CADPS2: variants seen among roughly 807,000 people sequenced by gnomAD.
The protein encoded by CADPS2 is calcium dependent secretion activator 2.
A neutral mutation model predicts 172.5 loss-of-function variants in CADPS2; 93 were observed. The ratio of observed to expected loss-of-function variants is 0.54; its 90% CI spans 0.46 to 0.64. CADPS2 has a LOEUF of 0.64. Ranked by LOEUF, CADPS2 falls within the 30% of genes least tolerant of loss-of-function variation. CADPS2 has a pLI of 0.00. For synonymous variants in CADPS2, 546 were observed against 555.2 expected, an observed-to-expected ratio of 0.98 and a Z score of 0.23; for missense variants, 1,420 against 1,565.9, an observed-to-expected ratio of 0.91 and a Z score of 1.57.
At chr7:122,492,811 C>T (rs528691219) in intron 9 of CADPS2, among the ~76,000 whole-genome samples, 29 of 152,044 alleles carry the variant, frequency 1.9e-4, no homozygotes, top group Non-Finnish European at 4.0e-4. Flanking sequence ...GTGATCCTCC[C>T]ACTCAGCCTC....
At chr7:122,823,152 C>T (rs1803880624) in intron 1 of CADPS2, among the ~76,000 whole-genome samples, 1 of 152,098 alleles carries the variant, frequency 6.6e-6, no homozygotes, top group Admixed American at 6.5e-5. Flanking sequence ...CATTTTAAAT[C>T]TGATTATCTG....
chr7:122,729,785 T>C (rs893602827), intron 2 of CADPS2, among the ~76,000 whole-genome samples: 1 of 149,124 alleles, frequency 6.7e-6, no homozygotes, highest in Non-Finnish European at 1.5e-5. Context: ...TCCAAAGCAA[T>C]GGCATGAGTT....
chr7:122,420,037 T>C (rs2048361908), intron 17 of CADPS2, among the ~76,000 whole-genome samples: 1 of 152,108 alleles, frequency 6.6e-6, no homozygotes. Flanking sequence ...TTCCAGAGTC[T>C]TGGAGAGGTT....
chr7:122,885,759 G>A (rs536955609), intron 1 of CADPS2, among the ~76,000 whole-genome samples: 1 of 152,268 alleles, frequency 6.6e-6, no homozygotes, highest in East Asian at 1.9e-4. Flanking sequence ...TCTGTCTCAC[G>A]GATGGTGAGC....
At chr7:122,528,379 G>A (rs1017981912) in intron 8 of CADPS2, among the ~76,000 whole-genome samples, 1 of 152,112 alleles carries the variant, frequency 6.6e-6, no homozygotes, top group Admixed American at 6.6e-5. Context: ...TAAAAGCAAT[G>A]TTTCTAAAGA....
At chr7:122,615,414 T>C in intron 5 of CADPS2, 115 bp from the exon 6 acceptor site, 1 of 577,184 alleles carries the variant, frequency 1.7e-6, no homozygotes, top group Non-Finnish European at 2.8e-6. Flanking sequence ...AAAAATTTGT[T>C]TTTTGTTAAC....
chr7:122,712,038 ACT>A (rs1019922586), intron 2 of CADPS2, among the ~76,000 whole-genome samples: 32 of 152,130 alleles, frequency 2.1e-4, no homozygotes, highest in African/African-American at 4.1e-4. Context: ...AAAAAAAAAC[ACT>A]CTTGTATCTT....
chr7:122,612,028 G>A (rs562208021), intron 6 of CADPS2, among the ~76,000 whole-genome samples: 83 of 151,986 alleles, frequency 5.5e-4, no homozygotes, highest in African/African-American at 1.8e-3. Context: ...TATAAAAACA[G>A]TCAATAAACT....
chr7:122,565,408 A>T (rs1316353772), intron 7 of CADPS2, among the ~76,000 whole-genome samples: 3 of 152,176 alleles, frequency 2.0e-5, no homozygotes, highest in East Asian at 1.9e-4. Flanking sequence ...ACAGGAAGAT[A>T]GTGGGGAATA....
chr7:122,667,774 T>C (rs749931265), intron 2 of CADPS2, among the ~76,000 whole-genome samples: 6 of 151,384 alleles, frequency 4.0e-5, no homozygotes, highest in Non-Finnish European at 8.8e-5. Context: ...ATGAGCTGTG[T>C]GAGAAGGAAA....
chr7:122,343,601 G>C (rs1346602550), intron 28 of CADPS2, among the ~76,000 whole-genome samples: 2 of 152,190 alleles, frequency 1.3e-5, no homozygotes, highest in Non-Finnish European at 2.9e-5. Context: ...AGGTCACCGA[G>C]TCAAAAAACT....
chr7:122,675,740 A>C (rs890672346), intron 2 of CADPS2, among the ~76,000 whole-genome samples: 21 of 152,082 alleles, frequency 1.4e-4, no homozygotes, highest in African/African-American at 5.1e-4. Context: ...AACACCATAC[A>C]TTCTCACTCA....
At chr7:122,493,720 C>CT (rs10544810) in intron 9 of CADPS2, among the ~76,000 whole-genome samples, 2,294 of 131,526 alleles carry the variant, frequency 0.017, 54 homozygotes, top group African/African-American at 0.043. Flanking sequence ...TATGTTTAAT[C>CT]TTTTTTTTTT....
At chr7:122,812,456 G>T (rs1800253394) in intron 1 of CADPS2, among the ~76,000 whole-genome samples, 1 of 150,206 alleles carries the variant, frequency 6.7e-6, no homozygotes. Context: ...AAGAAAGAAA[G>T]AAAAAAAGAA....
At chr7:122,735,827 T>C (rs1270696284) in intron 2 of CADPS2, among the ~76,000 whole-genome samples, 2 of 152,178 alleles carry the variant, frequency 1.3e-5, no homozygotes, top group African/African-American at 4.8e-5. Context: ...TTCTTTAGTT[T>C]AAGTACATGA....
At chr7:122,616,470 T>A (rs554628499) in intron 5 of CADPS2, among the ~76,000 whole-genome samples, 5 of 152,250 alleles carry the variant, frequency 3.3e-5, no homozygotes, top group African/African-American at 9.6e-5. Context: ...TAAATATGAA[T>A]GTGTATTTGT....
chr7:122,418,430 TTAAG>T (rs1191374769), intron 17 of CADPS2, among the ~76,000 whole-genome samples: 2 of 152,104 alleles, frequency 1.3e-5, no homozygotes, highest in African/African-American at 4.8e-5. Flanking sequence ...ATGGGAGACT[TTAAG>T]TAAGATAATA....
intron 27 of CADPS2, among the ~76,000 whole-genome samples, chr7:122,347,909 C>T (rs1409107547): frequency 6.6e-6 from 1 of 152,190 alleles, no homozygotes; most frequent in African/African-American, 2.4e-5. Context: ...ATTCAAAAAA[C>T]CTGCTGCTGC....
chr7:122,780,603 C>T (rs1431390489), intron 1 of CADPS2, among the ~76,000 whole-genome samples: 1 of 152,088 alleles, frequency 6.6e-6, no homozygotes, highest in African/African-American at 2.4e-5. Context: ...CAGCCTCAAC[C>T]TCCAGGGCTC....
Sources: allele counts gnomAD v4.1 joint callset (sites outside exome capture counted in the v4.1 genomes callset), GRCh38; gene constraint gnomAD v4.1.1; transcripts MANE v1.5; gene names NCBI Gene and HGNC (gene_info 2026-07-23, HGNC 2026-07-21).